The following ASIC2 variants were observed in gnomAD, a reference collection of about 807,000 sequenced individuals.
The protein encoded by ASIC2 is acid-sensing ion channel 2.
In ASIC2, 25 loss-of-function variants were observed where a neutral mutation model predicts 57.3. That is an observed-to-expected ratio of 0.44 (90% CI 0.32 to 0.61). The LOEUF (loss-of-function observed/expected upper bound fraction) is 0.61, where lower values mean the gene tolerates loss of function less well. Ranked by LOEUF, ASIC2 falls within the 20% of genes least tolerant of loss-of-function variation. The pLI, the probability that ASIC2 is intolerant of heterozygous loss-of-function variation, is 0.06. For synonymous variants in ASIC2, 319 were observed against 307.5 expected, an observed-to-expected ratio of 1.04 and a Z score of -0.39; for missense variants, 641 against 738.1, an observed-to-expected ratio of 0.87 and a Z score of 1.52.
intron 1 of ASIC2, among the ~76,000 whole-genome samples, chr17:33,836,018 A>T (rs1913263410): frequency 6.6e-6 from 1 of 150,676 alleles, no homozygotes; most frequent in Non-Finnish European, 1.5e-5. Context: ...TATCGTATAT[A>T]ATATGTATCC....
intron 1 of ASIC2, among the ~76,000 whole-genome samples, chr17:34,047,497 A>T: frequency 9.8e-6 from 1 of 102,174 alleles, no homozygotes. Flanking sequence ...CATGATGTAC[A>T]CCTTTCTCCA....
intron 1 of ASIC2, among the ~76,000 whole-genome samples, chr17:33,378,369 C>T (rs752952178): frequency 2.6e-5 from 4 of 152,206 alleles, no homozygotes; most frequent in Non-Finnish European, 5.9e-5. Context: ...AACATCTGGA[C>T]TCTAAACCCC....
intron 1 of ASIC2, among the ~76,000 whole-genome samples, chr17:33,639,087 C>T (rs1448045937): frequency 1.3e-5 from 2 of 151,628 alleles, no homozygotes; most frequent in African/African-American, 2.4e-5. Context: ...AGAGGAGATA[C>T]CATGGGAGCT....
At position 34,019,154 on chromosome 17, in the gene ASIC2, C is replaced by T. The variant is rs1163747340; in HGVS notation, c.555+136824G>A. On this transcript the variant is annotated intron_variant, in intron 1 of 9. Transcript: ENST00000359872. Reference sequence around the variant, plus strand: ...TGATCTCCTGACCTCATGATCCGCCCTCCTTGGCCTCTCAAAGTGCGGGAT... The same window carrying T: ...TGATCTCCTGACCTCATGATCCGCCTTCCTTGGCCTCTCAAAGTGCGGGAT... 3.3e-5 allele frequency among the ~76,000 whole-genome samples: 5 copies of T among 152,138 alleles called. No homozygotes were observed. In the East Asian group the frequency reaches 5.8e-4, roughly 18 times the overall value.
At chr17:34,024,232 A>G (rs1487379128) in intron 1 of ASIC2, among the ~76,000 whole-genome samples, 1 of 152,214 alleles carries the variant, frequency 6.6e-6, no homozygotes, top group Non-Finnish European at 1.5e-5. Flanking sequence ...TGGAAGAGCT[A>G]TCAAGACTCC....
intron 1 of ASIC2, among the ~76,000 whole-genome samples, chr17:34,019,600 T>C (rs1907085840): frequency 6.6e-6 from 1 of 152,232 alleles, no homozygotes; most frequent in Non-Finnish European, 1.5e-5. Flanking sequence ...CAATGAAGTA[T>C]TTCTAATTAA....
intron 1 of ASIC2, among the ~76,000 whole-genome samples, chr17:33,118,935 G>A (rs747216013): frequency 9.2e-5 from 14 of 152,076 alleles, no homozygotes; most frequent in Non-Finnish European, 1.9e-4. Context: ...GATCTGCTGG[G>A]GTATTCCGCC....
intron 1 of ASIC2, among the ~76,000 whole-genome samples, chr17:33,490,666 G>A (rs536716146): frequency 6.6e-6 from 1 of 152,148 alleles, no homozygotes; most frequent in Non-Finnish European, 1.5e-5. Context: ...CGCCCTGATT[G>A]CGAGGCCTCC....
intron 1 of ASIC2, among the ~76,000 whole-genome samples, chr17:33,304,958 G>A (rs1379717336): frequency 6.6e-6 from 1 of 152,008 alleles, no homozygotes; most frequent in African/African-American, 2.4e-5. Context: ...ACTACGGTTC[G>A]AATTTTCTTT....
At chr17:33,270,100 C>T (rs1022111151) in intron 1 of ASIC2, among the ~76,000 whole-genome samples, 12 of 152,260 alleles carry the variant, frequency 7.9e-5, no homozygotes, top group East Asian at 5.8e-4. Flanking sequence ...CTACAATGAG[C>T]GATTTTTTTG....
chr17:33,655,539 G>C (rs1275025223), intron 1 of ASIC2, among the ~76,000 whole-genome samples: 1 of 152,302 alleles, frequency 6.6e-6, no homozygotes, highest in Admixed American at 6.5e-5. Flanking sequence ...TTTGCTCTTG[G>C]GCTTCACAGT....
rs563926392 is a variant in ASIC2, at chr17:33,502,885, T to A, written c.556-390818A>T. Among the ~76,000 whole-genome samples, 20 of 152,310 alleles carry A rather than the reference T, an allele frequency of 1.3e-4. No individual in the cohort carries two copies. In the South Asian group the frequency reaches 3.9e-3, roughly 30 times the overall value. The stretch of plus-strand genomic sequence containing the variant: ...TCACTGTTCCTTCTTCTTTTGTAGA[T>A]CTAAAATGAGACTCTTACCCTAGAA... On this transcript the variant is annotated intron_variant, in intron 1 of 9. Coordinates refer to the ASIC2 transcript ENST00000359872.
intron 1 of ASIC2, among the ~76,000 whole-genome samples, chr17:33,329,058 GA>G (rs1907197052): frequency 6.6e-6 from 1 of 151,466 alleles, no homozygotes; most frequent in African/African-American, 2.4e-5. Flanking sequence ...TAAGAGGCAG[GA>G]AAAAAGCTCA....
chr17:33,814,198 G>A (rs1463269914), intron 1 of ASIC2, among the ~76,000 whole-genome samples: 1 of 152,194 alleles, frequency 6.6e-6, no homozygotes, highest in Non-Finnish European at 1.5e-5. Flanking sequence ...AGGACATTCA[G>A]CTGGAAGTGT....
chr17:34,060,824 C>A (rs1018607705), intron 1 of ASIC2, among the ~76,000 whole-genome samples: 1 of 151,996 alleles, frequency 6.6e-6, no homozygotes, highest in African/African-American at 2.4e-5. Context: ...AAAATATGAA[C>A]AAAGCTTCCA....
At chr17:33,597,821 C>A (rs1302406759) in intron 1 of ASIC2, among the ~76,000 whole-genome samples, 3 of 152,216 alleles carry the variant, frequency 2.0e-5, no homozygotes. Context: ...TGTCTCCCGG[C>A]TCATCCCCTT....
chr17:33,523,515 C>G (rs186399022), intron 1 of ASIC2, among the ~76,000 whole-genome samples: 1 of 152,238 alleles, frequency 6.6e-6, no homozygotes, highest in Non-Finnish European at 1.5e-5. Flanking sequence ...CACCGGGACT[C>G]CCAAAGTACT....
chr17:33,657,163 G>A (rs1346678251), intron 1 of ASIC2, among the ~76,000 whole-genome samples: 2 of 152,122 alleles, frequency 1.3e-5, no homozygotes, highest in African/African-American at 4.8e-5. Context: ...TTCTCCTTAC[G>A]AACGACACTT....
chr17:34,109,929 CGT>C (rs140552170), intron 1 of ASIC2, among the ~76,000 whole-genome samples: 4 of 150,530 alleles, frequency 2.7e-5, no homozygotes, highest in African/African-American at 4.9e-5. Context: ...TAGGTATATG[CGT>C]GTGTGTGTGT....
Sources: gnomAD v4.1 joint callset for allele counts (sites outside exome capture counted in the v4.1 genomes callset) on GRCh38, gnomAD v4.1.1 for gene constraint, MANE v1.5 for transcripts, NCBI Gene and HGNC (gene_info 2026-07-23, HGNC 2026-07-21) for gene names.